MAP4K4: variants seen among roughly 807,000 people sequenced by gnomAD.
The protein encoded by MAP4K4 is mitogen-activated protein kinase kinase kinase kinase 4.
Under a neutral mutation model 189.6 loss-of-function variants are expected in MAP4K4, and 38 were observed. That is an observed-to-expected ratio of 0.20 (90% CI 0.15 to 0.26). The LOEUF (loss-of-function observed/expected upper bound fraction) is 0.26. MAP4K4 is among the 10% of genes least tolerant of loss of function. MAP4K4 has a pLI of 1.00. For missense variants in MAP4K4, 1,054 were observed against 1,726.9 expected, an observed-to-expected ratio of 0.61 and a Z score of 6.91; for synonymous variants, 610 against 624.3, an observed-to-expected ratio of 0.98 and a Z score of 0.34.
intron 2 of MAP4K4, among the ~76,000 whole-genome samples, chr2:101,702,157 A>C (rs1293913998): frequency 6.6e-6 from 1 of 152,020 alleles, no homozygotes; most frequent in Admixed American, 6.6e-5. Flanking sequence ...GAGCCACTGC[A>C]CCCGGCCTTA....
Position 101,717,527 on chromosome 2 carries a change from G to T in MAP4K4, c.123+18989G>T, listed in dbSNP as rs570201217. Reference sequence around the variant, plus strand: ...TGTGTCGGGAAAAGAACAAACTCTTGCCTTGAATTAACCAGTTATTTTAAA... The same window carrying T: ...TGTGTCGGGAAAAGAACAAACTCTTTCCTTGAATTAACCAGTTATTTTAAA... On this transcript the variant is annotated intron_variant, in intron 2 of 32. Coordinates refer to ENST00000324219, the Ensembl canonical transcript of MAP4K4. Among the ~76,000 whole-genome samples, 71 of 152,246 alleles carry T rather than the reference G, an allele frequency of 4.7e-4. 1 individual carries two copies. Among genetic ancestry groups the T allele is most frequent in the African/African-American group, 1.6e-3 (68 of 41,534 alleles).
chr2:101,859,721 C>A, exon 15 of MAP4K4: 2 of 1,612,520 alleles, frequency 1.2e-6, no homozygotes, highest in Non-Finnish European at 1.7e-6. Context: ...ACAAGCATAT[C>A]TCCTGTCTCT....
intron 29 of MAP4K4, among the ~76,000 whole-genome samples, chr2:101,886,784 G>A (rs2098490688): frequency 1.3e-5 from 2 of 152,176 alleles, no homozygotes; most frequent in African/African-American, 4.8e-5. Context: ...GCTCACGCCT[G>A]TAATTCCAGC....
chr2:101,768,130 A>G (rs1051603587), intron 2 of MAP4K4, among the ~76,000 whole-genome samples: 7 of 152,224 alleles, frequency 4.6e-5, no homozygotes, highest in Non-Finnish European at 1.0e-4. Context: ...GAATATGATT[A>G]TCTTGTATCA....
intron 12 of MAP4K4, among the ~76,000 whole-genome samples, chr2:101,850,670 C>G (rs945223606): frequency 6.6e-6 from 1 of 152,172 alleles, no homozygotes; most frequent in Non-Finnish European, 1.5e-5. Flanking sequence ...ACAGCTAAGG[C>G]CTTGCTTCCT....
chr2:101,740,151 C>CAT (rs2061991590), intron 2 of MAP4K4, among the ~76,000 whole-genome samples: 1 of 87,224 alleles, frequency 1.1e-5, no homozygotes, highest in Non-Finnish European at 1.8e-5. Context: ...TTTATATCAT[C>CAT]TTTTTTTTTT....
intron 23 of MAP4K4, chr2:101,870,691 G>A: frequency 3.0e-6 from 1 of 333,922 alleles, no homozygotes; most frequent in Non-Finnish European, 5.6e-6. Context: ...CTATGTCTGA[G>A]CGGGAGAGAA....
At chr2:101,864,988 A>G (rs1162135551) in exon 18 of MAP4K4, 3 of 1,578,910 alleles carry the variant, frequency 1.9e-6, no homozygotes, top group East Asian at 4.6e-5. Flanking sequence ...TCCCCACTGC[A>G]GGGCAGTGGG....
At position 101,707,773 on chromosome 2, in the gene MAP4K4, T is replaced by G. The variant is rs143871464; in HGVS notation, c.123+9235T>G. 6.3e-3 allele frequency among the ~76,000 whole-genome samples: 942 copies of G among 150,622 alleles called. 16 individuals carry two copies. Among genetic ancestry groups the G allele is most frequent in the African/African-American group, 0.022 (912 of 40,834 alleles). On this transcript the variant is annotated intron_variant, in intron 2 of 32. Coordinates refer to ENST00000324219, the Ensembl canonical transcript of MAP4K4. ...TGGTGCAATCTCGGCTCACTGCAAG[T>G]TCTGCCTCCCGGGTTCACGCCATTC...
chr2:101,797,012 G>C (rs1358882626), intron 3 of MAP4K4, among the ~76,000 whole-genome samples: 1 of 152,184 alleles, frequency 6.6e-6, no homozygotes, highest in East Asian at 1.9e-4. Flanking sequence ...CTCTGACCAC[G>C]CATGGGCAGG....
Position 101,829,486 on chromosome 2 carries a change from T to C in MAP4K4, c.418-18T>C. 1.9e-6 allele frequency: 3 copies of C among 1,573,354 alleles called. No individual in the cohort carries two copies. The highest frequency in any genetic ancestry group is 2.6e-6 in the Non-Finnish European group (3 of 1,149,772). On this transcript the variant is annotated intron_variant, in intron 5 of 32. Transcript: ENST00000324219. ...TAGTCACAGAAAACTAAAATTCAGG[T>C]CTGTCTTTCCTATTCAGGGACTGGC...
chr2:101,712,226 G>A (rs988861215), intron 2 of MAP4K4, among the ~76,000 whole-genome samples: 7 of 151,696 alleles, frequency 4.6e-5, no homozygotes, highest in Admixed American at 1.3e-4. Flanking sequence ...ATGGAGTGTC[G>A]CTCTGTCACT....
At chr2:101,845,399 G>C (rs947056052) in intron 12 of MAP4K4, among the ~76,000 whole-genome samples, 1 of 152,060 alleles carries the variant, frequency 6.6e-6, no homozygotes, top group African/African-American at 2.4e-5. Context: ...ACAGTCATGG[G>C]TCGCTTAATG....
At chr2:101,796,770 G>GGAGCCAGTATACTGGAA (rs200941210) in intron 3 of MAP4K4, among the ~76,000 whole-genome samples, 5 of 152,040 alleles carry the variant, frequency 3.3e-5, no homozygotes, top group Non-Finnish European at 7.4e-5. Context: ...ATGTCTTTTG[G>GGAGCCAGTATACTGGAA]GAGCCAGTAT....
intron 5 of MAP4K4, among the ~76,000 whole-genome samples, chr2:101,827,860 G>A (rs1316184008): frequency 1.3e-5 from 2 of 152,148 alleles, no homozygotes; most frequent in Non-Finnish European, 2.9e-5. Flanking sequence ...AGAGTTAAGG[G>A]AAAAATGTTT....
chr2:101,827,820 G>A (rs1354569807), intron 5 of MAP4K4, among the ~76,000 whole-genome samples: 2 of 152,148 alleles, frequency 1.3e-5, no homozygotes, highest in African/African-American at 4.8e-5. Flanking sequence ...ACCTTTGCCT[G>A]CTCTTTTATT....
At chr2:101,883,843 G>A (rs1330692820) in intron 28 of MAP4K4, among the ~76,000 whole-genome samples, 3 of 152,074 alleles carry the variant, frequency 2.0e-5, no homozygotes, top group South Asian at 4.1e-4. Context: ...TGTGGGAGCT[G>A]CCTCAGTATC....
intron 2 of MAP4K4, among the ~76,000 whole-genome samples, chr2:101,770,568 C>T (rs1454480016): frequency 6.6e-6 from 1 of 152,162 alleles, no homozygotes; most frequent in Non-Finnish European, 1.5e-5. Flanking sequence ...TGAACCACTG[C>T]GCCCCCTGGC....
At chr2:101,826,209 TC>T (rs1415790469) in intron 5 of MAP4K4, among the ~76,000 whole-genome samples, 1 of 152,122 alleles carries the variant, frequency 6.6e-6, no homozygotes, top group East Asian at 1.9e-4. Flanking sequence ...TTCTTAGGCT[TC>T]CCCCACTAAT....
Sources: gnomAD v4.1 joint callset for allele counts (sites outside exome capture counted in the v4.1 genomes callset) on GRCh38, gnomAD v4.1.1 for gene constraint, MANE v1.5 for transcripts, NCBI Gene and HGNC (gene_info 2026-07-23, HGNC 2026-07-21) for gene names.